Variants in SLC71A2 observed in about 807,000 individuals in gnomAD.
SLC71A2 encodes the protein hippocampus abundant transcript-like 1.
At chr9:94,439,522 G>T in the SLC71A2 span, among the ~76,000 whole-genome samples, 5 of 146,024 alleles carry the variant, frequency 3.4e-5, no homozygotes, top group Non-Finnish European at 7.5e-5. Flanking sequence ...TTTTGTTTTG[G>T]TTTTTAATCC....
At chr9:94,407,413 C>A in the SLC71A2 span, among the ~76,000 whole-genome samples, 1 of 147,892 alleles carries the variant, frequency 6.8e-6, no homozygotes, top group Non-Finnish European at 1.5e-5. Flanking sequence ...GAGTCTTGCT[C>A]TGTCACCCAG....
the SLC71A2 span, among the ~76,000 whole-genome samples, chr9:94,438,987 T>C: frequency 6.6e-6 from 1 of 151,926 alleles, no homozygotes; most frequent in Non-Finnish European, 1.5e-5. Flanking sequence ...ATAAGGCTGA[T>C]AGCCTATTTT....
chr9:94,430,827 C>A, the SLC71A2 span, among the ~76,000 whole-genome samples: 1 of 152,160 alleles, frequency 6.6e-6, no homozygotes, highest in African/African-American at 2.4e-5. Context: ...TATGTAAAAT[C>A]ATATGAATGC....
the SLC71A2 span, chr9:94,374,568 C>T: frequency 3.1e-4 from 48 of 152,758 alleles, 1 homozygote; most frequent in East Asian, 9.1e-3. Flanking sequence ...CTGACGCCGC[C>T]GGTAACTGCG....
the SLC71A2 span, among the ~76,000 whole-genome samples, chr9:94,452,019 T>G: frequency 6.6e-6 from 1 of 152,218 alleles, no homozygotes; most frequent in East Asian, 1.9e-4. Context: ...ATTTAGTGTT[T>G]TCTCAGAAAA....
At chr9:94,384,205 G>GTTTGACTTAC in the SLC71A2 span, among the ~76,000 whole-genome samples, 1 of 151,636 alleles carries the variant, frequency 6.6e-6, no homozygotes, top group Admixed American at 6.6e-5. Flanking sequence ...GTTTCTATGT[G>GTTTGACTTAC]TTTGACTTAC....
chr9:94,429,097 G>A, the SLC71A2 span: 269,368 of 1,526,292 alleles, frequency 0.18, 25,186 homozygotes, highest in Middle Eastern at 0.3. Context: ...TCATTGCAGG[G>A]CTCATTTATG....
At chr9:94,391,219 A>AT in the SLC71A2 span, among the ~76,000 whole-genome samples, 2 of 150,310 alleles carry the variant, frequency 1.3e-5, no homozygotes, top group African/African-American at 2.4e-5. Context: ...AAAAAAAAAA[A>AT]GAGGCTGAGC....
the SLC71A2 span, among the ~76,000 whole-genome samples, chr9:94,444,395 TTTG>T: frequency 2.0e-3 from 307 of 152,330 alleles, 1 homozygote; most frequent in African/African-American, 7.1e-3. Flanking sequence ...CAACAAATTC[TTTG>T]TTGTTGTTAA....
the SLC71A2 span, among the ~76,000 whole-genome samples, chr9:94,390,126 A>G: frequency 6.6e-6 from 1 of 152,146 alleles, no homozygotes; most frequent in African/African-American, 2.4e-5. Flanking sequence ...AGGCAGGAGA[A>G]TGGCGTGAAC....
At chr9:94,405,793 A>T in the SLC71A2 span, among the ~76,000 whole-genome samples, 1 of 151,844 alleles carries the variant, frequency 6.6e-6, no homozygotes, top group Non-Finnish European at 1.5e-5. Flanking sequence ...AAGATTCTAT[A>T]TAAATTTTAG....
the SLC71A2 span, among the ~76,000 whole-genome samples, chr9:94,435,028 C>T: frequency 6.6e-6 from 1 of 152,190 alleles, no homozygotes; most frequent in Non-Finnish European, 1.5e-5. Context: ...GAAAACCCAT[C>T]CTACCTGCCT....
At chr9:94,436,387 T>G in the SLC71A2 span, among the ~76,000 whole-genome samples, 1 of 152,234 alleles carries the variant, frequency 6.6e-6, no homozygotes, top group Non-Finnish European at 1.5e-5. Context: ...TTGCAAAAAC[T>G]GTCCTGCTTA....
At chr9:94,420,391 T>C in the SLC71A2 span, among the ~76,000 whole-genome samples, 3 of 152,138 alleles carry the variant, frequency 2.0e-5, no homozygotes, top group Admixed American at 2.0e-4. Flanking sequence ...GGCTCAAAAC[T>C]GAAAACCACC....
chr9:94,395,934 G>A, the SLC71A2 span, among the ~76,000 whole-genome samples: 1 of 151,786 alleles, frequency 6.6e-6, no homozygotes, highest in Admixed American at 6.6e-5. Flanking sequence ...AGTGGGCAGT[G>A]TAGGAAGCCA....
the SLC71A2 span, among the ~76,000 whole-genome samples, chr9:94,405,518 A>G: frequency 6.6e-6 from 1 of 150,868 alleles, no homozygotes; most frequent in South Asian, 2.1e-4. Context: ...AAAAAAAAAA[A>G]GACTGGGCTT....
chr9:94,432,664 A>G, the SLC71A2 span: 2 of 248,966 alleles, frequency 8.0e-6, no homozygotes, highest in Non-Finnish European at 8.2e-6. Context: ...GGTGCAACCC[A>G]TACCTCTGTT....
the SLC71A2 span, among the ~76,000 whole-genome samples, chr9:94,402,494 A>G: frequency 5.3e-5 from 8 of 152,316 alleles, no homozygotes; most frequent in South Asian, 2.1e-4. Context: ...ATATCTTTCC[A>G]TTAACTGTCA....
the SLC71A2 span, among the ~76,000 whole-genome samples, chr9:94,407,838 C>G: frequency 6.6e-6 from 1 of 152,100 alleles, no homozygotes; most frequent in African/African-American, 2.4e-5. Context: ...AATAAAAATT[C>G]ATAAGTTTTA....
Sources: allele counts gnomAD v4.1 joint callset (sites outside exome capture counted in the v4.1 genomes callset), GRCh38; gene constraint gnomAD v4.1.1; transcripts MANE v1.5; gene names NCBI Gene and HGNC (gene_info 2026-07-23, HGNC 2026-07-21).